TMEM135: variants seen among roughly 807,000 people sequenced by gnomAD.
TMEM135 encodes the protein transmembrane protein 135.
TMEM135 carries 30 observed loss-of-function variants against 60.3 expected under a neutral mutation model. That is an observed-to-expected ratio of 0.50 (90% CI 0.37 to 0.68). TMEM135 has a LOEUF of 0.68. Ranked by LOEUF, TMEM135 falls within the 30% of genes least tolerant of loss-of-function variation. The probability of loss-of-function intolerance (pLI) is 0.00; values close to 1 mark genes in which losing one functional copy is unlikely to be tolerated. For missense variants in TMEM135, 468 were observed against 548.8 expected (o/e 0.85, Z 1.47); for synonymous variants, 190 against 186.7 (o/e 1.02, Z -0.14).
At chr11:87,117,873 A>G (rs966483792) in intron 4 of TMEM135, among the ~76,000 whole-genome samples, 1 of 152,190 alleles carries the variant, frequency 6.6e-6, no homozygotes, top group Non-Finnish European at 1.5e-5. Flanking sequence ...CCATCAGAGG[A>G]ATCATTCTCT....
At chr11:87,181,704 A>T (rs1197018059) in intron 5 of TMEM135, among the ~76,000 whole-genome samples, 1 of 152,176 alleles carries the variant, frequency 6.6e-6, no homozygotes, top group East Asian at 1.9e-4. Flanking sequence ...CCTATAAATT[A>T]TAGGTTAAAA....
intron 5 of TMEM135, among the ~76,000 whole-genome samples, chr11:87,165,662 T>A (rs1245612721): frequency 1.3e-5 from 2 of 151,326 alleles, no homozygotes; most frequent in Non-Finnish European, 2.9e-5. Context: ...TGTGAATCCA[T>A]CTGGTCCTGG....
chr11:87,268,360 C>G (rs938178718), intron 6 of TMEM135, among the ~76,000 whole-genome samples: 1 of 151,666 alleles, frequency 6.6e-6, no homozygotes, highest in Non-Finnish European at 1.5e-5. Flanking sequence ...ATGCAATCCC[C>G]CCACCTTGGC....
At chr11:87,230,495 A>G (rs967292042) in intron 5 of TMEM135, among the ~76,000 whole-genome samples, 6 of 152,108 alleles carry the variant, frequency 3.9e-5, no homozygotes, top group Admixed American at 2.6e-4. Flanking sequence ...TGTATGTTAC[A>G]TTATATATAA....
intron 6 of TMEM135, among the ~76,000 whole-genome samples, chr11:87,250,764 A>G (rs550405882): frequency 6.6e-6 from 1 of 152,212 alleles, no homozygotes; most frequent in Non-Finnish European, 1.5e-5. Context: ...CAAATTATAT[A>G]CAGAATTTAG....
At chr11:87,315,516 G>A (rs1418100335) in intron 12 of TMEM135, among the ~76,000 whole-genome samples, 1 of 151,844 alleles carries the variant, frequency 6.6e-6, no homozygotes, top group African/African-American at 2.4e-5. Context: ...GCCAACATAA[G>A]GTTCCCCAGT....
intron 4 of TMEM135, among the ~76,000 whole-genome samples, chr11:87,136,766 T>C (rs1565457021): frequency 6.6e-6 from 1 of 152,074 alleles, no homozygotes; most frequent in African/African-American, 2.4e-5. Context: ...TTCCATTACA[T>C]TTAAGTTGTC....
At chr11:87,141,837 T>G (rs1938271817) in intron 4 of TMEM135, among the ~76,000 whole-genome samples, 1 of 152,018 alleles carries the variant, frequency 6.6e-6, no homozygotes, top group Non-Finnish European at 1.5e-5. Flanking sequence ...TTAAAAAAAT[T>G]TAAAATTTAA....
chr11:87,065,560 A>T (rs1240553021), intron 1 of TMEM135, among the ~76,000 whole-genome samples: 1 of 152,112 alleles, frequency 6.6e-6, no homozygotes, highest in Admixed American at 6.5e-5. Flanking sequence ...TGTATTCTAG[A>T]TACTAGTTCC....
intron 5 of TMEM135, among the ~76,000 whole-genome samples, chr11:87,229,980 G>T (rs1940856622): frequency 1.3e-5 from 2 of 152,004 alleles, no homozygotes; most frequent in South Asian, 2.1e-4. Flanking sequence ...TAATATATCA[G>T]TTTCGTGGGT....
chr11:87,037,973 G>T lies in TMEM135; in HGVS notation c.-73G>T, dbSNP rs764160575. ...AGTGCTGGCCGGGCGAGAGGCTGGC[G>T]GCTGGGCTCTCGCGCCCCTCCCTGC... On this transcript the variant is annotated 5_prime_UTR_variant, in exon 1 of 15. Transcript: ENST00000305494. The T allele has an allele frequency of 3.1e-6, 5 of 1,603,784 alleles. No homozygotes were observed. The highest frequency in any genetic ancestry group is 1.1e-5 in the South Asian group (1 of 90,846).
chr11:87,125,438 A>T (rs1591038516), intron 4 of TMEM135, among the ~76,000 whole-genome samples: 1 of 152,174 alleles, frequency 6.6e-6, no homozygotes, highest in Non-Finnish European at 1.5e-5. Context: ...GATGTAAAGG[A>T]GCTGTTAATA....
chr11:87,131,813 A>T (rs1483775757), intron 4 of TMEM135, among the ~76,000 whole-genome samples: 1 of 152,194 alleles, frequency 6.6e-6, no homozygotes, highest in Non-Finnish European at 1.5e-5. Flanking sequence ...ACAGGAGGTG[A>T]ATGGCAGGCT....
intron 10 of TMEM135, among the ~76,000 whole-genome samples, chr11:87,310,831 TTAATTTTACTCTA>T (rs1466792681): frequency 6.6e-6 from 1 of 151,924 alleles, no homozygotes; most frequent in Non-Finnish European, 1.5e-5. Context: ...CACTTTTGCC[TTAATTTTACTCTA>T]TAAAAGATAT....
At chr11:87,314,444 T>C (rs1942691210) in intron 11 of TMEM135, 27 bp from the exon 12 acceptor site, 2 of 1,556,294 alleles carry the variant, frequency 1.3e-6, no homozygotes, top group Non-Finnish European at 1.8e-6. Flanking sequence ...TGCGATCTTA[T>C]CAGTTATTTC....
intron 4 of TMEM135, among the ~76,000 whole-genome samples, chr11:87,108,735 G>T (rs562546804): frequency 6.6e-6 from 1 of 151,972 alleles, no homozygotes; most frequent in Non-Finnish European, 1.5e-5. Context: ...TTGGTTTGTT[G>T]TGCTTCCATT....
chr11:87,197,736 A>G (rs894371479), intron 5 of TMEM135, among the ~76,000 whole-genome samples: 1 of 152,058 alleles, frequency 6.6e-6, no homozygotes, highest in Non-Finnish European at 1.5e-5. Context: ...TATTTGATGT[A>G]TGTTTTGCAA....
At chr11:87,186,085 T>G (rs1279740324) in intron 5 of TMEM135, among the ~76,000 whole-genome samples, 1 of 152,168 alleles carries the variant, frequency 6.6e-6, no homozygotes, top group Non-Finnish European at 1.5e-5. Context: ...TTTTGTATTT[T>G]TAGTGGAGAC....
intron 5 of TMEM135, among the ~76,000 whole-genome samples, chr11:87,160,697 C>A (rs951792205): frequency 6.6e-6 from 1 of 152,122 alleles, no homozygotes; most frequent in Non-Finnish European, 1.5e-5. Context: ...GACTTTTATG[C>A]ATTCTAATTA....
Sources: gnomAD v4.1 joint callset for allele counts (sites outside exome capture counted in the v4.1 genomes callset) on GRCh38, gnomAD v4.1.1 for gene constraint, MANE v1.5 for transcripts, NCBI Gene and HGNC (gene_info 2026-07-23, HGNC 2026-07-21) for gene names.